The following TMOD3 variants were observed in gnomAD, a reference collection of about 807,000 sequenced individuals.
The protein encoded by TMOD3 is tropomodulin 3, also known as tropomodulin-3.
Under a neutral mutation model 39.2 loss-of-function variants are expected in TMOD3, and 20 were observed. That is an observed-to-expected ratio of 0.51 (90% CI 0.36 to 0.74). TMOD3 has a LOEUF of 0.74. Among genes scored for constraint, TMOD3 ranks in the 30% least tolerant of loss-of-function variants. The pLI is 0.00. For missense variants in TMOD3, 381 were observed against 412.8 expected (o/e 0.92, Z 0.67); for synonymous variants, 143 against 145.8 (o/e 0.98, Z 0.14).
At chr15:51,866,482 A>C (rs1468677712) in intron 2 of TMOD3, among the ~76,000 whole-genome samples, 1 of 152,054 alleles carries the variant, frequency 6.6e-6, no homozygotes, top group Non-Finnish European at 1.5e-5. Flanking sequence ...AAAAGAAAGA[A>C]AAAAAAGGCT....
chr15:51,836,544 G>A (rs967407083), intron 1 of TMOD3, among the ~76,000 whole-genome samples: 7 of 151,986 alleles, frequency 4.6e-5, no homozygotes, highest in African/African-American at 1.7e-4. Flanking sequence ...GGCCAACATG[G>A]TGAAACCCCG....
intron 5 of TMOD3, among the ~76,000 whole-genome samples, chr15:51,891,117 A>G (rs1470006513): frequency 1.3e-5 from 2 of 152,176 alleles, no homozygotes; most frequent in Non-Finnish European, 2.9e-5. Flanking sequence ...GTCTGTGTCC[A>G]GATTTCCTCT....
At chr15:51,840,297 T>C (rs1402649407) in intron 1 of TMOD3, among the ~76,000 whole-genome samples, 2 of 152,246 alleles carry the variant, frequency 1.3e-5, no homozygotes, top group African/African-American at 4.8e-5. Flanking sequence ...GCTTATGTTA[T>C]GTGGATCAGA....
At chr15:51,896,344 C>A in intron 6 of TMOD3, 75 bp from the exon 7 acceptor site, 3 of 1,059,318 alleles carry the variant, frequency 2.8e-6, no homozygotes, top group South Asian at 1.6e-5. Flanking sequence ...CAAAAAAAAC[C>A]ATATATTTGA....
intron 1 of TMOD3, chr15:51,861,150 G>A: frequency 2.0e-6 from 1 of 500,450 alleles, no homozygotes; most frequent in Non-Finnish European, 3.9e-6. Flanking sequence ...CTTGAAAAGG[G>A]CTCTTTCCTG....
chr15:51,896,137 T>A lies in TMOD3; in HGVS notation c.628-282T>A, dbSNP rs77788909. On this transcript the variant is annotated intron_variant, in intron 6 of 9. Transcript: ENST00000308580. ...ATACATAAATAAATAAAAGGAATAA[T>A]GAAAGGTGAGAATAATGAGAATTTT... Among the ~76,000 whole-genome samples, 553 of 152,118 alleles carry A rather than the reference T, an allele frequency of 3.6e-3. 5 individuals carry two copies. Among genetic ancestry groups the A allele is most frequent in the African/African-American group, 0.013 (521 of 41,492 alleles).
At chr15:51,883,202 C>G (rs919056) in intron 3 of TMOD3, among the ~76,000 whole-genome samples, 7,418 of 152,106 alleles carry the variant, frequency 0.049, 418 homozygotes, top group African/African-American at 0.12. Flanking sequence ...AAGCAAAATT[C>G]TATATGACAG....
chr15:51,836,868 G>A lies in TMOD3; in HGVS notation c.-75+7032G>A, dbSNP rs74987981. On this transcript the variant is annotated intron_variant, in intron 1 of 9. Coordinates refer to ENST00000308580, the MANE Select transcript of TMOD3 (RefSeq NM_014547.5). Reference sequence around the variant, plus strand: ...CACCTGCACCCACTCACTAAGGAAGGAACACAAACACACTAAGACAAACTT... The same window carrying A: ...CACCTGCACCCACTCACTAAGGAAGAAACACAAACACACTAAGACAAACTT... Among the ~76,000 whole-genome samples the A allele has an allele frequency of 5.7e-3, 861 of 152,202 alleles. 6 individuals carry two copies. The highest frequency in any genetic ancestry group is 0.02 in the African/African-American group (831 of 41,514).
chr15:51,852,312 A>C (rs2056366440), intron 1 of TMOD3, among the ~76,000 whole-genome samples: 1 of 152,208 alleles, frequency 6.6e-6, no homozygotes, highest in African/African-American at 2.4e-5. Flanking sequence ...GCCAGTGAGG[A>C]AAAGACAGCA....
intron 6 of TMOD3, 114 bp from the exon 7 acceptor site, chr15:51,896,304 GT>G: frequency 3.0e-6 from 2 of 664,652 alleles, no homozygotes; most frequent in East Asian, 5.5e-5. Context: ...ATTCTTAGGT[GT>G]TTGTATAATT....
At chr15:51,885,495 A>T (rs998138682) in intron 3 of TMOD3, among the ~76,000 whole-genome samples, 2 of 152,112 alleles carry the variant, frequency 1.3e-5, no homozygotes, top group African/African-American at 4.8e-5. Context: ...GATGACTCTC[A>T]ACGAGCATGC....
chr15:51,873,342 A>G (rs74948974), intron 3 of TMOD3, among the ~76,000 whole-genome samples: 2,338 of 152,278 alleles, frequency 0.015, 85 homozygotes, highest in Admixed American at 0.075. Context: ...TTTTTTACTT[A>G]ATAGCTTATT....
intron 1 of TMOD3, chr15:51,833,125 C>T (rs1173738449): frequency 6.6e-6 from 1 of 152,124 alleles, no homozygotes; most frequent in Non-Finnish European, 1.5e-5. Context: ...CCATTAAGTG[C>T]TTATTTAAAT....
intron 3 of TMOD3, among the ~76,000 whole-genome samples, chr15:51,874,103 TC>T (rs989322046): frequency 3.3e-5 from 5 of 152,170 alleles, no homozygotes; most frequent in Non-Finnish European, 7.3e-5. Flanking sequence ...CAGGAGGGAA[TC>T]CTCATAAAAC....
intron 1 of TMOD3, among the ~76,000 whole-genome samples, chr15:51,838,154 C>G (rs2056295787): frequency 6.6e-6 from 1 of 152,054 alleles, no homozygotes; most frequent in Non-Finnish European, 1.5e-5. Flanking sequence ...GATTCCCTCC[C>G]AGCTCCAACC....
At chr15:51,847,636 T>C (rs935071125) in intron 1 of TMOD3, among the ~76,000 whole-genome samples, 1 of 152,162 alleles carries the variant, frequency 6.6e-6, no homozygotes, top group African/African-American at 2.4e-5. Context: ...AAAAAAGTCT[T>C]AGACAGGCAT....
intron 3 of TMOD3, among the ~76,000 whole-genome samples, chr15:51,877,097 C>T (rs1454505004): frequency 2.6e-5 from 4 of 152,110 alleles, no homozygotes; most frequent in African/African-American, 7.2e-5. Flanking sequence ...TATGCCTCTA[C>T]TTCACTTTTT....
rs1349045347 is a variant in TMOD3 at position 51,910,091 on chromosome 15, C to T, written c.*1281C>T. The T allele has an allele frequency of 3.8e-4, 58 of 152,234 alleles. 1 individual carries two copies. Among genetic ancestry groups the T allele is most frequent in the Admixed American group, 3.7e-3 (57 of 15,282 alleles). 9.4% of individuals were successfully genotyped at this position (152,234 alleles called of 1,614,324 possible). A position where few individuals can be genotyped will look rare whatever the true frequency, so the allele number is the denominator to read the frequency against. ...GAGGGTCTGGACTTGTATTCATGTT[C>T]TGTCTCAGGGCAGCCCCTGGAGCAG... On this transcript the variant is annotated 3_prime_UTR_variant, in exon 10 of 10. Transcript: ENST00000308580.
intron 3 of TMOD3, among the ~76,000 whole-genome samples, chr15:51,872,917 G>A (rs1292442307): frequency 1.3e-5 from 2 of 152,188 alleles, no homozygotes; most frequent in African/African-American, 4.8e-5. Flanking sequence ...CTATCTGATG[G>A]AAGCACATAC....
Sources: gnomAD v4.1 joint callset for allele counts (sites outside exome capture counted in the v4.1 genomes callset) on GRCh38, gnomAD v4.1.1 for gene constraint, MANE v1.5 for transcripts, NCBI Gene and HGNC (gene_info 2026-07-23, HGNC 2026-07-21) for gene names.